Variants in PRIMPOL observed in about 807,000 individuals in gnomAD.
PRIMPOL encodes primase and DNA directed polymerase.
A neutral mutation model predicts 63.6 loss-of-function variants in PRIMPOL; 54 were observed. The observed-to-expected ratio is 0.85, with a 90% CI of 0.68 to 1.07. The LOEUF (loss-of-function observed/expected upper bound fraction) is 1.07, where lower values mean the gene tolerates loss of function less well. Ranked by LOEUF, PRIMPOL falls within the 50% of genes least tolerant of loss-of-function variation. The pLI, the probability that PRIMPOL is intolerant of heterozygous loss-of-function variation, is 0.00. For missense variants in PRIMPOL, 610 were observed against 648.3 expected, an observed-to-expected ratio of 0.94 and a Z score of 0.64; for synonymous variants, 197 against 220.2, an observed-to-expected ratio of 0.89 and a Z score of 0.93.
intron 11 of PRIMPOL, among the ~76,000 whole-genome samples, chr4:184,688,303 T>G (rs1450073424): frequency 6.6e-6 from 1 of 152,250 alleles, no homozygotes; most frequent in Non-Finnish European, 1.5e-5. Flanking sequence ...ATTTTTCTAC[T>G]GTTCCATATT....
At position 184,694,448 on chromosome 4, in the gene PRIMPOL, T is replaced by G. The variant is rs1202476871; in HGVS notation, c.1426-74T>G. 3 of 1,531,084 alleles carry G rather than the reference T, an allele frequency of 2.0e-6. No individual in the cohort carries two copies. The East Asian group carries it at 7.0e-5, about 36-fold the overall frequency. 94.8% of individuals were successfully genotyped at this position (1,531,084 alleles called of 1,614,324 possible). A position where few individuals can be genotyped will look rare whatever the true frequency, so the allele number is the denominator to read the frequency against. On this transcript the variant is annotated intron_variant, in intron 13 of 13. Transcript: ENST00000314970. ...CTTAATACCTTACTTCAACATAGAGTATAAGGTTAAATCACATATCCTGAG... is the reference window on the plus strand; with the variant it reads ...CTTAATACCTTACTTCAACATAGAGGATAAGGTTAAATCACATATCCTGAG...
intron 7 of PRIMPOL, 115 bp downstream of exon 7, chr4:184,672,575 GC>G: frequency 2.0e-6 from 2 of 1,017,030 alleles, no homozygotes; most frequent in Non-Finnish European, 2.9e-6. Flanking sequence ...TGCCCAAGTC[GC>G]CAGCACGATG....
At chr4:184,650,982 G>A (rs551651466) in intron 1 of PRIMPOL, among the ~76,000 whole-genome samples, 1 of 152,146 alleles carries the variant, frequency 6.6e-6, no homozygotes, top group South Asian at 2.1e-4. Context: ...GTTTAAAGAG[G>A]TTAAGGCCGA....
chr4:184,672,861 C>T (rs1290786709), intron 7 of PRIMPOL, among the ~76,000 whole-genome samples: 2 of 152,126 alleles, frequency 1.3e-5, no homozygotes, highest in Admixed American at 1.3e-4. Flanking sequence ...TTCTCCTCAC[C>T]GAAGATCTCA....
intron 11 of PRIMPOL, among the ~76,000 whole-genome samples, chr4:184,688,173 A>G (rs1315601498): frequency 2.0e-5 from 3 of 152,224 alleles, no homozygotes; most frequent in African/African-American, 7.2e-5. Flanking sequence ...TACATGTGCT[A>G]GAGTTTCTCA....
chr4:184,682,044 C>A (rs750416827), intron 8 of PRIMPOL, among the ~76,000 whole-genome samples: 1 of 152,104 alleles, frequency 6.6e-6, no homozygotes, highest in African/African-American at 2.4e-5. Context: ...AAATTATTTT[C>A]TTTAATTGAC....
At chr4:184,657,444 T>G in intron 3 of PRIMPOL, 124 bp downstream of exon 3, 5 of 738,728 alleles carry the variant, frequency 6.8e-6, no homozygotes, top group East Asian at 2.8e-5. Flanking sequence ...TTTCAGGCCA[T>G]GTATTCTACC....
chr4:184,676,398 C>CT, intron 7 of PRIMPOL, among the ~76,000 whole-genome samples: 1 of 112,346 alleles, frequency 8.9e-6, no homozygotes, highest in Non-Finnish European at 1.8e-5. Context: ...CCCTTCCCTT[C>CT]CCCCTTCCCT....
rs765804316 is a variant in PRIMPOL at position 184,679,490 on chromosome 4, A to G, written c.1007+1096A>G. 9.1e-4 allele frequency among the ~76,000 whole-genome samples: 139 copies of G among 152,340 alleles called. 2 individuals are homozygous for G. The highest frequency in any genetic ancestry group is 3.4e-3 in the Middle Eastern group (1 of 294). On this transcript the variant is annotated intron_variant, in intron 8 of 13. Coordinates refer to ENST00000314970, the MANE Select transcript of PRIMPOL (RefSeq NM_152683.4). ...AAATAAATAAATAAATAAAAATAAA[A>G]TCTGTGAAAGTCATCTTTCAACAGA...
At chr4:184,660,235 G>C (rs1222680544) in intron 4 of PRIMPOL, among the ~76,000 whole-genome samples, 1 of 150,980 alleles carries the variant, frequency 6.6e-6, no homozygotes, top group East Asian at 1.9e-4. Flanking sequence ...GCCCAGGCTG[G>C]AGTACAGTGG....
chr4:184,663,027 A>ATTATTT lies in PRIMPOL; in HGVS notation c.408+1129_408+1130insTTTATT, dbSNP rs1459896210. ...TGTTTAATTTTAAACCTTTATTATT[A>ATTATTT]TTATTATTATTATTATTATTATTAT... On this transcript the variant is annotated intron_variant, in intron 5 of 13. Transcript: ENST00000314970. Among the ~76,000 whole-genome samples, 7 of 139,112 alleles carry ATTATTT rather than the reference A, an allele frequency of 5.0e-5. No individual in the cohort carries two copies. In the East Asian group the frequency reaches 1.2e-3, roughly 24 times the overall value. The allele number at this position is 139,112 out of a possible 152,430, so 91.3% of individuals were successfully genotyped here.
intron 7 of PRIMPOL, 34 bp downstream of exon 7, chr4:184,672,494 G>T (rs750869342): frequency 6.4e-7 from 1 of 1,555,990 alleles, no homozygotes; most frequent in Admixed American, 1.9e-5. Flanking sequence ...CCATCAGACC[G>T]CCCTGGTGCT....
chr4:184,694,113 A>T (rs915675759), intron 13 of PRIMPOL: 1 of 517,544 alleles, frequency 1.9e-6, no homozygotes, highest in Non-Finnish European at 2.5e-6. Context: ...ATCTTTTTTC[A>T]ATCCATGTTT....
intron 2 of PRIMPOL, among the ~76,000 whole-genome samples, chr4:184,655,613 C>T (rs1746191688): frequency 6.6e-6 from 1 of 152,196 alleles, no homozygotes; most frequent in Non-Finnish European, 1.5e-5. Context: ...AGCCACCGCG[C>T]CTGGCCCCCT....
At chr4:184,656,867 C>T (rs573361507) in intron 2 of PRIMPOL, among the ~76,000 whole-genome samples, 34 of 152,238 alleles carry the variant, frequency 2.2e-4, no homozygotes, top group South Asian at 8.3e-4. Flanking sequence ...AGATTCAGGG[C>T]GCTTCATTAA....
At chr4:184,685,081 G>T (rs1367887285) in intron 9 of PRIMPOL, among the ~76,000 whole-genome samples, 1 of 152,164 alleles carries the variant, frequency 6.6e-6, no homozygotes, top group African/African-American at 2.4e-5. Context: ...GGCGTGCCAG[G>T]CTAGTGCATG....
At chr4:184,694,256 G>A (rs756585735) in intron 13 of PRIMPOL, 75 of 1,161,792 alleles carry the variant, frequency 6.5e-5, no homozygotes, top group Non-Finnish European at 7.9e-5. Context: ...TTGCTCTTCC[G>A]TCGGGGAGTA....
rs529661664 is a variant in PRIMPOL at position 184,677,470 on chromosome 4, G to T, written c.845-762G>T. Among the ~76,000 whole-genome samples the T allele has an allele frequency of 6.6e-5, 10 of 152,200 alleles. No individual in the cohort carries two copies. In the East Asian group the frequency reaches 1.9e-3, roughly 29 times the overall value. On this transcript the variant is annotated intron_variant, in intron 7 of 13. Transcript: ENST00000314970. Reference sequence around the variant, plus strand: ...TTGATCTGTTTCTAGACCCTGTTCTGCTTCATTGTTCTATTGATCTATTCC... The same window carrying T: ...TTGATCTGTTTCTAGACCCTGTTCTTCTTCATTGTTCTATTGATCTATTCC...
intron 11 of PRIMPOL, among the ~76,000 whole-genome samples, chr4:184,689,456 T>A: frequency 7.2e-6 from 1 of 137,994 alleles, no homozygotes; most frequent in East Asian, 2.1e-4. Context: ...CTTTTTTTTT[T>A]TTTTTTTTTT....
Sources: gnomAD v4.1 joint callset for allele counts (sites outside exome capture counted in the v4.1 genomes callset) on GRCh38, gnomAD v4.1.1 for gene constraint, MANE v1.5 for transcripts, NCBI Gene and HGNC (gene_info 2026-07-23, HGNC 2026-07-21) for gene names.